Variants in ABLIM1 observed in about 807,000 individuals in gnomAD.
The protein encoded by ABLIM1 is actin binding LIM protein 1.
In ABLIM1, 40 loss-of-function variants were observed where a neutral mutation model predicts 107.0. The ratio of observed to expected loss-of-function variants is 0.37; its 90% CI spans 0.29 to 0.49. The LOEUF is 0.49. Ranked by LOEUF, ABLIM1 falls within the 20% of genes least tolerant of loss-of-function variation. The pLI is 0.97. For synonymous variants in ABLIM1, 357 were observed against 357.3 expected, an observed-to-expected ratio of 1.00 and a Z score of 0.01; for missense variants, 857 against 1,008.5, an observed-to-expected ratio of 0.85 and a Z score of 2.04.
intron 1 of ABLIM1, among the ~76,000 whole-genome samples, chr10:114,643,784 C>T (rs540204944): frequency 6.6e-6 from 1 of 151,928 alleles, no homozygotes; most frequent in South Asian, 2.1e-4. Flanking sequence ...CTACATTGCC[C>T]AGGCTAGGTT....
intron 1 of ABLIM1, among the ~76,000 whole-genome samples, chr10:114,640,893 AGGGGTCCCACCTTTTCCTTT>A (rs1451886737): frequency 6.6e-6 from 1 of 152,206 alleles, no homozygotes; most frequent in Non-Finnish European, 1.5e-5. Flanking sequence ...ATTTTAAACA[AGGGGTCCCACCTTTTCCTTT>A]TGCACTGGGC....
chr10:114,788,717 G>A, the ABLIM1 span, among the ~76,000 whole-genome samples: 1 of 151,874 alleles, frequency 6.6e-6, no homozygotes, highest in Admixed American at 6.6e-5. Context: ...GACAGAGTGG[G>A]ACTCCGTCTC....
chr10:114,476,871 T>C (rs143174338), intron 8 of ABLIM1, among the ~76,000 whole-genome samples: 196 of 152,150 alleles, frequency 1.3e-3, no homozygotes, highest in African/African-American at 4.4e-3. Flanking sequence ...AAACTTAATG[T>C]CAAAATGAAA....
At chr10:114,792,036 C>A in the ABLIM1 span, among the ~76,000 whole-genome samples, 4 of 152,190 alleles carry the variant, frequency 2.6e-5, no homozygotes, top group African/African-American at 7.2e-5. Context: ...GGTTAAGAAT[C>A]TTGGCTGGGT....
In ABLIM1 at chr10:114,513,959, T is replaced by G. The variant is rs540389032; in HGVS notation, c.895-22081A>C. On this transcript the variant is annotated intron_variant, in intron 6 of 22. Coordinates refer to ENST00000533213, the MANE Select transcript of ABLIM1 (RefSeq NM_002313.7). ...CCTGCAAAGTTTTCACATGACACCA[T>G]CACTCAATGACTATACTCAAGGAAT... Among the ~76,000 whole-genome samples, 27 of 152,296 alleles carry G rather than the reference T, an allele frequency of 1.8e-4. 1 individual carries two copies. The South Asian group carries it at 5.6e-3, about 32-fold the overall frequency.
At chr10:114,614,792 G>A (rs1048259855) in intron 1 of ABLIM1, among the ~76,000 whole-genome samples, 22 of 152,106 alleles carry the variant, frequency 1.4e-4, no homozygotes, top group Non-Finnish European at 2.2e-4. Flanking sequence ...GGTGGCTCAC[G>A]TCTGTAATCC....
At chr10:114,724,473 CAA>C (rs940854654) in intron 1 of ABLIM1, among the ~76,000 whole-genome samples, 1 of 152,152 alleles carries the variant, frequency 6.6e-6, no homozygotes. Flanking sequence ...ATGAAACAGG[CAA>C]AGTTGTCTTT....
intron 1 of ABLIM1, among the ~76,000 whole-genome samples, chr10:114,640,660 T>C (rs963255822): frequency 2.0e-5 from 3 of 152,184 alleles, no homozygotes; most frequent in Non-Finnish European, 4.4e-5. Flanking sequence ...GTAATACAAA[T>C]TGTGTAATTT....
At chr10:114,485,523 G>C in intron 8 of ABLIM1, 1 of 723,766 alleles carries the variant, frequency 1.4e-6, no homozygotes. Context: ...TTCTTTCATT[G>C]ATGTACATGT....
intron 2 of ABLIM1, 121 bp from the exon 3 acceptor site, chr10:114,575,720 G>A: frequency 9.5e-7 from 1 of 1,050,402 alleles, no homozygotes; most frequent in Non-Finnish European, 1.4e-6. Context: ...CTAGGGAGGG[G>A]ATGGCTACAA....
intron 6 of ABLIM1, among the ~76,000 whole-genome samples, chr10:114,512,470 A>G (rs78223505): frequency 0.027 from 4,146 of 152,310 alleles, 192 homozygotes; most frequent in African/African-American, 0.091. Context: ...GTCTAACTAT[A>G]ATTCAAGGGG....
intron 1 of ABLIM1, among the ~76,000 whole-genome samples, chr10:114,712,842 C>T (rs1048584770): frequency 1.3e-5 from 2 of 152,072 alleles, no homozygotes; most frequent in African/African-American, 4.8e-5. Context: ...CAAATAAAAC[C>T]GTAGGGCAAT....
chr10:114,464,099 A>G (rs2064566906), intron 12 of ABLIM1, among the ~76,000 whole-genome samples: 1 of 152,056 alleles, frequency 6.6e-6, no homozygotes, highest in Non-Finnish European at 1.5e-5. Flanking sequence ...CAATGCCCCT[A>G]TAACCCCACG....
At chr10:114,572,518 G>A (rs577730969) in intron 3 of ABLIM1, among the ~76,000 whole-genome samples, 1 of 152,280 alleles carries the variant, frequency 6.6e-6, no homozygotes, top group East Asian at 1.9e-4. Flanking sequence ...AAGTCCCGAG[G>A]AGAGGTGGTG....
At chr10:114,800,216 G>A in the ABLIM1 span, among the ~76,000 whole-genome samples, 17 of 152,124 alleles carry the variant, frequency 1.1e-4, no homozygotes, top group Non-Finnish European at 2.2e-4. Flanking sequence ...TTAATGGAGA[G>A]GATACTGCCA....
intron 6 of ABLIM1, among the ~76,000 whole-genome samples, chr10:114,499,806 G>A (rs61413517): frequency 0.02 from 3,109 of 152,302 alleles, 110 homozygotes; most frequent in African/African-American, 0.072. Flanking sequence ...AATCACGCAA[G>A]TTCCCTGTTA....
intron 1 of ABLIM1, among the ~76,000 whole-genome samples, chr10:114,617,287 G>C (rs548745900): frequency 7.3e-6 from 1 of 137,140 alleles, no homozygotes; most frequent in South Asian, 2.3e-4. Flanking sequence ...TTGAGATGGA[G>C]TTTTGCTCTT....
intron 6 of ABLIM1, among the ~76,000 whole-genome samples, chr10:114,529,188 G>A (rs999447544): frequency 6.6e-6 from 1 of 150,592 alleles, no homozygotes; most frequent in African/African-American, 2.5e-5. Flanking sequence ...GCAGTGGTGC[G>A]ATACTGGCTC....
intron 4 of ABLIM1, among the ~76,000 whole-genome samples, chr10:114,562,734 G>C (rs2069941247): frequency 6.6e-6 from 1 of 152,168 alleles, no homozygotes; most frequent in African/African-American, 2.4e-5. Flanking sequence ...TCACCATTCA[G>C]ACCTGGGAGC....
Sources: allele counts gnomAD v4.1 joint callset (sites outside exome capture counted in the v4.1 genomes callset), GRCh38; gene constraint gnomAD v4.1.1; transcripts MANE v1.5; gene names NCBI Gene and HGNC (gene_info 2026-07-23, HGNC 2026-07-21).